Variants in CSMD1 observed in about 807,000 individuals in gnomAD.
CSMD1 encodes the protein CUB and sushi domain-containing protein 1.
CSMD1 carries 213 observed loss-of-function variants against 417.5 expected under a neutral mutation model. That is an observed-to-expected ratio of 0.51 (90% CI 0.46 to 0.57). The LOEUF (loss-of-function observed/expected upper bound fraction) is 0.57, where lower values mean the gene tolerates loss of function less well. CSMD1 is among the 20% of genes least tolerant of loss of function. The probability of loss-of-function intolerance (pLI) is 0.00; values close to 1 mark genes in which losing one functional copy is unlikely to be tolerated. For synonymous variants in CSMD1, 2,862 were observed against 1,736.8 expected (o/e 1.65, Z -16.11); for missense variants, 6,923 against 4,529.7 (o/e 1.53, Z -15.17).
chr8:4,647,253 T>A (rs1231348837), intron 1 of CSMD1, among the ~76,000 whole-genome samples: 4 of 151,424 alleles, frequency 2.6e-5, no homozygotes, highest in African/African-American at 9.7e-5. Context: ...TTTTTTTTAA[T>A]TTCTTCTAAA....
rs1165033089 is a variant in CSMD1 at position 4,640,530 on chromosome 8, C to G, written c.86-2972G>C. ...CCTCTTTTCTCTTGGATCTTATACT[C>G]TAATGGGCCCTTGCCTACTATAGAG... On this transcript the variant is annotated intron_variant, in intron 1 of 69. Coordinates refer to ENST00000635120, the MANE Select transcript of CSMD1 (RefSeq NM_033225.6). Among the ~76,000 whole-genome samples the G allele has an allele frequency of 3.3e-5, 5 of 152,286 alleles. No homozygotes were observed. In the East Asian group the frequency reaches 7.7e-4, roughly 24 times the overall value.
At chr8:3,997,849 A>G (rs75177757) in intron 5 of CSMD1, 54 bp downstream of exon 5, 16,940 of 1,391,898 alleles carry the variant, frequency 0.012, 514 homozygotes, top group East Asian at 0.12. Context: ...CGTTGGGGGA[A>G]AAAACGGGGA....
intron 4 of CSMD1, among the ~76,000 whole-genome samples, chr8:4,030,248 C>A (rs569638328): frequency 6.6e-6 from 1 of 152,304 alleles, no homozygotes; most frequent in South Asian, 2.1e-4. Context: ...TCTGACCCCA[C>A]ATTTCCCTCC....
rs370546495 is a variant in CSMD1 at position 3,077,003 on chromosome 8, T to TCCTC, written c.7474+10090_7474+10093dup. ...CTCACCCCTGCTCACCGTCCTTCCT[T>TCCTC]CCTCCCTGTTTTTGGAGTCCTAAGT... On this transcript the variant is annotated intron_variant, in intron 49 of 69. Coordinates refer to ENST00000635120, the MANE Select transcript of CSMD1 (RefSeq NM_033225.6). Among the ~76,000 whole-genome samples the TCCTC allele has an allele frequency of 5.8e-4, 84 of 145,324 alleles. 1 individual carries two copies. The highest frequency in any genetic ancestry group is 1.9e-3 in the African/African-American group (73 of 38,954).
chr8:3,572,689 G>T (rs1420962459), intron 10 of CSMD1, among the ~76,000 whole-genome samples: 1 of 152,112 alleles, frequency 6.6e-6, no homozygotes, highest in African/African-American at 2.4e-5. Context: ...TTTTGAAAAT[G>T]TCGCAATGGG....
chr8:3,897,591 G>C (rs954642191), intron 5 of CSMD1, among the ~76,000 whole-genome samples: 1 of 151,684 alleles, frequency 6.6e-6, no homozygotes, highest in Non-Finnish European at 1.5e-5. Flanking sequence ...AAAAGGCTAT[G>C]CATTTTAAGT....
chr8:3,556,750 C>G (rs2046221), intron 10 of CSMD1, among the ~76,000 whole-genome samples: 104,397 of 151,838 alleles, frequency 0.69, 37,567 homozygotes, highest in East Asian at 0.99. Flanking sequence ...GCTTTATTAG[C>G]TTTCAAGCCT....
chr8:4,746,491 T>G (rs1286467295), intron 1 of CSMD1, among the ~76,000 whole-genome samples: 1 of 152,216 alleles, frequency 6.6e-6, no homozygotes, highest in African/African-American at 2.4e-5. Flanking sequence ...ATTCGTGTCT[T>G]TATCATCGGT....
chr8:4,685,821 C>T (rs1806348017), intron 1 of CSMD1, among the ~76,000 whole-genome samples: 1 of 152,142 alleles, frequency 6.6e-6, no homozygotes, highest in African/African-American at 2.4e-5. Flanking sequence ...CCATTACTTT[C>T]AATTTGCCAT....
intron 2 of CSMD1, among the ~76,000 whole-genome samples, chr8:4,509,106 T>C (rs1802686756): frequency 6.6e-6 from 1 of 151,944 alleles, no homozygotes; most frequent in Non-Finnish European, 1.5e-5. Context: ...AAAAAGAAAA[T>C]ACTTGGAATG....
chr8:4,688,775 C>T (rs1806569116), intron 1 of CSMD1, among the ~76,000 whole-genome samples: 1 of 152,168 alleles, frequency 6.6e-6, no homozygotes, highest in African/African-American at 2.4e-5. Flanking sequence ...TAACCCAAGA[C>T]TCAAAACTCC....
In CSMD1 at chr8:4,160,496, T is replaced by G. The variant is rs184445116; in HGVS notation, c.416-128397A>C. Among the ~76,000 whole-genome samples, 20 of 152,280 alleles carry G rather than the reference T, an allele frequency of 1.3e-4. No homozygotes were observed. In the South Asian group the frequency reaches 4.1e-3, roughly 32 times the overall value. On this transcript the variant is annotated intron_variant, in intron 3 of 69. Coordinates refer to ENST00000635120, the MANE Select transcript of CSMD1 (RefSeq NM_033225.6). Reference sequence around the variant, plus strand: ...TGTCTTCATGAGGTCCGAACATCGGTTGAAAGTCAGACAATCATTATGCTT... The same window carrying G: ...TGTCTTCATGAGGTCCGAACATCGGGTGAAAGTCAGACAATCATTATGCTT...
chr8:4,304,281 G>A (rs943600547), intron 3 of CSMD1, among the ~76,000 whole-genome samples: 2 of 152,022 alleles, frequency 1.3e-5, no homozygotes, highest in African/African-American at 2.4e-5. Flanking sequence ...TTTTATTAAC[G>A]GGTAACATGT....
chr8:3,993,398 T>C (rs550584562), intron 5 of CSMD1, among the ~76,000 whole-genome samples: 2 of 152,304 alleles, frequency 1.3e-5, no homozygotes, highest in Non-Finnish European at 2.9e-5. Flanking sequence ...CAATTATCAA[T>C]TAAGTGACAA....
At chr8:3,587,504 G>T (rs1410649999) in intron 8 of CSMD1, among the ~76,000 whole-genome samples, 1 of 129,184 alleles carries the variant, frequency 7.7e-6, no homozygotes. Flanking sequence ...ACAAGATAGG[G>T]GAAACATAAA....
intron 1 of CSMD1, among the ~76,000 whole-genome samples, chr8:4,975,637 A>G (rs1460506900): frequency 1.3e-5 from 2 of 152,168 alleles, no homozygotes; most frequent in African/African-American, 4.8e-5. Flanking sequence ...TCCGAACAAA[A>G]CAGGTGTTAC....
intron 5 of CSMD1, among the ~76,000 whole-genome samples, chr8:3,871,191 AT>A (rs1354384930): frequency 3.3e-5 from 5 of 152,062 alleles, no homozygotes; most frequent in African/African-American, 1.2e-4. Flanking sequence ...ATGTGCAAAT[AT>A]TTTTCTACAA....
chr8:3,883,629 T>C (rs1292868025), intron 5 of CSMD1, among the ~76,000 whole-genome samples: 2 of 152,164 alleles, frequency 1.3e-5, no homozygotes. Context: ...ATATCAATTA[T>C]TAAAATTGAT....
chr8:3,988,079 T>C (rs1229740325), intron 5 of CSMD1, among the ~76,000 whole-genome samples: 1 of 152,260 alleles, frequency 6.6e-6, no homozygotes, highest in Non-Finnish European at 1.5e-5. Flanking sequence ...ATAGGGAAGC[T>C]GTTGAAATAT....
Sources: gnomAD v4.1 joint callset for allele counts (sites outside exome capture counted in the v4.1 genomes callset) on GRCh38, gnomAD v4.1.1 for gene constraint, MANE v1.5 for transcripts, NCBI Gene and HGNC (gene_info 2026-07-23, HGNC 2026-07-21) for gene names.